Variants in DIAPH3 observed in about 807,000 individuals in gnomAD.
DIAPH3 encodes protein diaphanous homolog 3.
DIAPH3 carries 117 observed loss-of-function variants against 144.3 expected under a neutral mutation model. The ratio of observed to expected loss-of-function variants is 0.81; its 90% CI spans 0.70 to 0.95. DIAPH3 has a LOEUF of 0.95. Among genes scored for constraint, DIAPH3 ranks in the 40% least tolerant of loss-of-function variants. The pLI, the probability that DIAPH3 is intolerant of heterozygous loss-of-function variation, is 0.00. For synonymous variants in DIAPH3, 519 were observed against 488.9 expected (o/e 1.06, Z -0.81); for missense variants, 1,421 against 1,412.7 (o/e 1.01, Z -0.09).
chr13:59,750,670 A>G (rs1393480564), intron 27 of DIAPH3, among the ~76,000 whole-genome samples: 1 of 152,220 alleles, frequency 6.6e-6, no homozygotes, highest in Non-Finnish European at 1.5e-5. Flanking sequence ...TGTGTGAATT[A>G]CAATTGGTTG....
chr13:60,050,696 A>G (rs2056297793), intron 4 of DIAPH3, among the ~76,000 whole-genome samples: 1 of 152,182 alleles, frequency 6.6e-6, no homozygotes. Flanking sequence ...CATGGTAAGG[A>G]CTTTAGGTTT....
intron 4 of DIAPH3, among the ~76,000 whole-genome samples, chr13:60,045,071 G>A (rs1187718016): frequency 1.3e-5 from 2 of 152,176 alleles, no homozygotes; most frequent in African/African-American, 4.8e-5. Context: ...GCTGGGTGCA[G>A]TGGCTCATGC....
At chr13:60,066,678 G>C (rs1426368162) in intron 4 of DIAPH3, among the ~76,000 whole-genome samples, 1 of 152,206 alleles carries the variant, frequency 6.6e-6, no homozygotes, top group Non-Finnish European at 1.5e-5. Flanking sequence ...TCCAGGCTGA[G>C]ATTAAAAATT....
intron 27 of DIAPH3, among the ~76,000 whole-genome samples, chr13:59,698,093 G>A (rs949401515): frequency 6.6e-6 from 1 of 152,118 alleles, no homozygotes; most frequent in Non-Finnish European, 1.5e-5. Context: ...GCCCAAATGT[G>A]CATAAACTAA....
rs1555388530 is a variant in DIAPH3, at chr13:60,162,809, T to TCTCTCA, written c.180+777_180+778insTGAGAG. ...CTCTCTCTCTCTCTCTCTCTCTCTC[T>TCTCTCA]CACACACACACACACACACACACAC... On this transcript the variant is annotated intron_variant, in intron 1 of 27. Transcript: ENST00000400324. Among the ~76,000 whole-genome samples, 520 of 122,500 alleles carry TCTCTCA rather than the reference T, an allele frequency of 4.2e-3. 6 individuals are homozygous for TCTCTCA. Among genetic ancestry groups the TCTCTCA allele is most frequent in the Admixed American group, 0.029 (341 of 11,880 alleles). The allele number at this position is 122,500 out of a possible 152,430, so 80.4% of individuals were successfully genotyped here. A position where few individuals can be genotyped will look rare whatever the true frequency, so the allele number is the denominator to read the frequency against.
chr13:59,987,346 G>A (rs2051468993), intron 12 of DIAPH3, among the ~76,000 whole-genome samples: 1 of 151,258 alleles, frequency 6.6e-6, no homozygotes, highest in African/African-American at 2.4e-5. Flanking sequence ...GAGTGGGGAG[G>A]GATAGCATTT....
intron 4 of DIAPH3, among the ~76,000 whole-genome samples, chr13:60,066,807 T>C (rs2056985717): frequency 6.6e-6 from 1 of 152,354 alleles, no homozygotes; most frequent in East Asian, 1.9e-4. Context: ...CCATCTTAAA[T>C]TGGCAACAGC....
chr13:60,067,521 A>C (rs893235369), intron 4 of DIAPH3, among the ~76,000 whole-genome samples: 2 of 152,182 alleles, frequency 1.3e-5, no homozygotes, highest in Admixed American at 6.5e-5. Flanking sequence ...AGATACAATT[A>C]GACTTAGATA....
chr13:59,695,309 C>G (rs994172774), intron 27 of DIAPH3: 1 of 152,148 alleles, frequency 6.6e-6, no homozygotes, highest in African/African-American at 2.4e-5. Context: ...TTTTGTCTTC[C>G]CCAATGCTGG....
intron 4 of DIAPH3, among the ~76,000 whole-genome samples, chr13:60,067,060 C>T (rs2141326200): frequency 6.6e-6 from 1 of 152,272 alleles, no homozygotes; most frequent in East Asian, 1.9e-4. Context: ...CAGAGGATTG[C>T]TTGACTCCAG....
chr13:60,046,986 G>T (rs894855310), intron 4 of DIAPH3, among the ~76,000 whole-genome samples: 3 of 152,066 alleles, frequency 2.0e-5, no homozygotes, highest in Non-Finnish European at 2.9e-5. Context: ...GGGTTGGGGG[G>T]CTAAGAGAGG....
chr13:59,994,995 GA>G (rs759260199), intron 9 of DIAPH3, among the ~76,000 whole-genome samples: 5 of 151,744 alleles, frequency 3.3e-5, no homozygotes, highest in Non-Finnish European at 7.4e-5. Flanking sequence ...TCAAACATTT[GA>G]AATATGAAGA....
chr13:60,042,872 A>T lies in DIAPH3; in HGVS notation c.496-52T>A, dbSNP rs759099312. On this transcript the variant is annotated intron_variant, in intron 4 of 27. Transcript: ENST00000400324. ...GATTAATACTGCATGGAGATTACCCATTAAAAAATAACAAGTTAATCTCCC... is the reference window on the plus strand; with the variant it reads ...GATTAATACTGCATGGAGATTACCCTTTAAAAAATAACAAGTTAATCTCCC... The T allele has an allele frequency of 4.2e-5, 67 of 1,594,888 alleles. 1 individual carries two copies. The highest frequency in any genetic ancestry group is 3.6e-4 in the East Asian group (16 of 44,290).
chr13:59,689,253 G>A (rs1011418566), intron 27 of DIAPH3, among the ~76,000 whole-genome samples: 1 of 152,070 alleles, frequency 6.6e-6, no homozygotes, highest in East Asian at 1.9e-4. Flanking sequence ...ATCAGTCAGA[G>A]AGAAGAATTT....
intron 17 of DIAPH3, among the ~76,000 whole-genome samples, chr13:59,967,606 C>A (rs2050134513): frequency 6.6e-6 from 1 of 152,120 alleles, no homozygotes; most frequent in Admixed American, 6.5e-5. Context: ...TCCTGTTTCT[C>A]TGAACGTAGC....
chr13:59,697,491 A>AAAAAAGAAG (rs1555274392), intron 27 of DIAPH3, among the ~76,000 whole-genome samples: 1 of 78,084 alleles, frequency 1.3e-5, no homozygotes, highest in African/African-American at 4.4e-5. Flanking sequence ...AAAAAAAAAA[A>AAAAAAGAAG]AAGAAGAGGG....
intron 22 of DIAPH3, 128 bp from the exon 23 acceptor site, chr13:59,839,576 A>G: frequency 1.1e-6 from 1 of 896,256 alleles, no homozygotes; most frequent in South Asian, 2.2e-5. Context: ...ATAAAATAAA[A>G]ATAAATTTCA....
intron 22 of DIAPH3, among the ~76,000 whole-genome samples, chr13:59,856,104 T>C (rs370088520): frequency 5.9e-5 from 9 of 152,160 alleles, no homozygotes; most frequent in African/African-American, 2.2e-4. Context: ...TCATGTCTAC[T>C]CAAAAGAGGA....
intron 27 of DIAPH3, among the ~76,000 whole-genome samples, chr13:59,746,390 AT>A (rs34815880): frequency 1.3e-3 from 190 of 145,322 alleles, no homozygotes; most frequent in Admixed American, 2.7e-3. Flanking sequence ...TACCCAGCTA[AT>A]TTTTTTTTTT....
Sources: gnomAD v4.1 joint callset for allele counts (sites outside exome capture counted in the v4.1 genomes callset) on GRCh38, gnomAD v4.1.1 for gene constraint, MANE v1.5 for transcripts, NCBI Gene and HGNC (gene_info 2026-07-23, HGNC 2026-07-21) for gene names.